GCNT2: variants seen among roughly 807,000 people sequenced by gnomAD.
GCNT2 encodes N-acetyllactosaminide beta-1,6-N-acetylglucosaminyl-transferase.
GCNT2 carries 34 observed loss-of-function variants against 34.2 expected under a neutral mutation model. That is an observed-to-expected ratio of 1.00 (90% CI 0.76 to 1.32). The LOEUF is 1.32. GCNT2 is among the 40% of genes most tolerant of loss of function. The pLI is 0.00. For synonymous variants in GCNT2, 212 were observed against 188.0 expected, an observed-to-expected ratio of 1.13 and a Z score of -1.04; for missense variants, 584 against 489.4, an observed-to-expected ratio of 1.19 and a Z score of -1.82.
At chr6:10,559,940 T>G (rs1175199441) in intron 3 of GCNT2, among the ~76,000 whole-genome samples, 1 of 152,252 alleles carries the variant, frequency 6.6e-6, no homozygotes, top group Non-Finnish European at 1.5e-5. Context: ...CTAGCCCTAG[T>G]AGTGCCTCTC....
chr6:10,590,848 G>A (rs9379528), intron 3 of GCNT2, among the ~76,000 whole-genome samples: 57,973 of 152,062 alleles, frequency 0.38, 12,954 homozygotes, highest in East Asian at 0.62. Context: ...CACCGCGCCC[G>A]GCCTAATTTT....
chr6:10,562,259 T>G (rs1763020168), intron 3 of GCNT2, among the ~76,000 whole-genome samples: 1 of 152,170 alleles, frequency 6.6e-6, no homozygotes, highest in Non-Finnish European at 1.5e-5. Context: ...TCTCTCTGCA[T>G]CTCTGTGCTG....
At chr6:10,531,855 G>A (rs1167451941) in intron 3 of GCNT2, among the ~76,000 whole-genome samples, 4 of 145,648 alleles carry the variant, frequency 2.7e-5, no homozygotes, top group Non-Finnish European at 6.0e-5. Context: ...AGCCAGGGAG[G>A]TAAAAAGGCC....
chr6:10,531,195 G>T (rs1194580632), intron 3 of GCNT2, among the ~76,000 whole-genome samples: 1 of 152,166 alleles, frequency 6.6e-6, no homozygotes, highest in Non-Finnish European at 1.5e-5. Flanking sequence ...TTTTTAGGTT[G>T]ACTTTCAATA....
intron 3 of GCNT2, among the ~76,000 whole-genome samples, chr6:10,587,987 A>C (rs952453255): frequency 6.6e-6 from 1 of 152,188 alleles, no homozygotes; most frequent in Non-Finnish European, 1.5e-5. Context: ...GTCTAGTGTC[A>C]TTATCATTGG....
rs1425642393 is a variant in GCNT2 at position 10,549,561 on chromosome 6, C to CTTTTTTTT, written c.925+19726_925+19727insTTTTTTTT. ...ACTTCCTTTCTCTCTCAATCTCTCT[C>CTTTTTTTT]TCTTTTTTTTTTTTTTTTTTTTTTT... On this transcript the variant is annotated intron_variant, in intron 3 of 4. Coordinates refer to ENST00000495262, the MANE Select transcript of GCNT2 (RefSeq NM_145649.5). 4.6e-4 allele frequency among the ~76,000 whole-genome samples: 51 copies of CTTTTTTTT among 111,302 alleles called. 2 individuals carry two copies. Among genetic ancestry groups the CTTTTTTTT allele is most frequent in the African/African-American group, 2.1e-3 (49 of 23,668 alleles). 73.0% of individuals were successfully genotyped at this position (111,302 alleles called of 152,430 possible).
chr6:10,589,713 T>C (rs1241043963), intron 3 of GCNT2, among the ~76,000 whole-genome samples: 1 of 152,198 alleles, frequency 6.6e-6, no homozygotes, highest in Non-Finnish European at 1.5e-5. Flanking sequence ...AATACTTCCT[T>C]GTACATCTTT....
chr6:10,546,616 GCCA>G (rs1250809539), intron 3 of GCNT2, among the ~76,000 whole-genome samples: 1 of 152,074 alleles, frequency 6.6e-6, no homozygotes, highest in Non-Finnish European at 1.5e-5. Flanking sequence ...CCAAGATCTC[GCCA>G]TTGTACTCTA....
intron 3 of GCNT2, among the ~76,000 whole-genome samples, chr6:10,535,911 A>G (rs571990724): frequency 3.7e-4 from 57 of 152,200 alleles, no homozygotes; most frequent in African/African-American, 1.3e-3. Flanking sequence ...GACTAGCCCT[A>G]TTGGATATTC....
intron 3 of GCNT2, chr6:10,581,650 T>A (rs1338417982): frequency 3.3e-6 from 2 of 597,414 alleles, no homozygotes; most frequent in African/African-American, 2.0e-5. Flanking sequence ...TTTGGCTACA[T>A]CATGTTGAAA....
intron 3 of GCNT2, among the ~76,000 whole-genome samples, chr6:10,547,602 C>T (rs115039558): frequency 0.017 from 2,627 of 152,334 alleles, 39 homozygotes; most frequent in Non-Finnish European, 0.028. Context: ...GTGCCTGCCA[C>T]ATTTCTCCAG....
rs1230626122 is a variant in GCNT2, at chr6:10,592,442, T to C, written c.926-28909T>C. On this transcript the variant is annotated intron_variant, in intron 3 of 4. Transcript: ENST00000495262. ...CACAGGGGAAGATTTTAATTTACAATGTATCCCAGCTCTTGTGAGCACCTA... is the reference window on the plus strand; with the variant it reads ...CACAGGGGAAGATTTTAATTTACAACGTATCCCAGCTCTTGTGAGCACCTA... Among the ~76,000 whole-genome samples, 2 of 152,214 alleles carry C rather than the reference T, an allele frequency of 1.3e-5. 1 individual carries two copies. Among genetic ancestry groups the C allele is most frequent in the Middle Eastern group, 6.3e-3 (2 of 316 alleles).
At chr6:10,604,048 A>ACCACGCCC (rs1463437680) in intron 3 of GCNT2, among the ~76,000 whole-genome samples, 1 of 151,810 alleles carries the variant, frequency 6.6e-6, no homozygotes, top group Non-Finnish European at 1.5e-5. Flanking sequence ...GGCGCACGCC[A>ACCACGCCC]CCACGCCCGG....
At chr6:10,601,649 G>A (rs1765088787) in intron 3 of GCNT2, among the ~76,000 whole-genome samples, 1 of 152,088 alleles carries the variant, frequency 6.6e-6, no homozygotes. Flanking sequence ...GTATTTAAAA[G>A]TAAAGCCCTT....
At chr6:10,561,115 G>GA (rs1266691549) in intron 3 of GCNT2, among the ~76,000 whole-genome samples, 1 of 152,156 alleles carries the variant, frequency 6.6e-6, no homozygotes, top group Non-Finnish European at 1.5e-5. Flanking sequence ...GTCACTTTAA[G>GA]AAAAACCCAT....
At chr6:10,585,374 A>C (rs1015260690) in intron 3 of GCNT2, among the ~76,000 whole-genome samples, 1 of 151,972 alleles carries the variant, frequency 6.6e-6, no homozygotes, top group East Asian at 1.9e-4. Context: ...CTGTGTCTGT[A>C]TGTGCCCAGA....
chr6:10,565,927 CCTT>C (rs1441940485), intron 3 of GCNT2, among the ~76,000 whole-genome samples: 4 of 152,296 alleles, frequency 2.6e-5, no homozygotes, highest in South Asian at 4.1e-4. Context: ...TCCCTCTCCT[CCTT>C]AGAAGCTGTG....
chr6:10,554,243 A>G (rs1157524965), intron 3 of GCNT2, among the ~76,000 whole-genome samples: 1 of 152,216 alleles, frequency 6.6e-6, no homozygotes, highest in Non-Finnish European at 1.5e-5. Flanking sequence ...TTCTCCTGTC[A>G]AGATTTTTTA....
At position 10,629,099 on chromosome 6, in the gene GCNT2, T is replaced by C. The variant is rs961114904; in HGVS notation, c.*2492T>C. 1 of 152,692 alleles carries C rather than the reference T, an allele frequency of 6.5e-6. No individual in the cohort carries two copies. The allele number at this position is 152,692 out of a possible 1,614,324, so 9.5% of individuals were successfully genotyped here. ...TTAAAAATTGTCTCTTTTCAACTTA[T>C]TTAAATGACAGCACCTGAGAAGAGG... On this transcript the variant is annotated 3_prime_UTR_variant, in exon 5 of 5. Coordinates refer to ENST00000495262, the MANE Select transcript of GCNT2 (RefSeq NM_145649.5).
Sources: gnomAD v4.1 joint callset for allele counts (sites outside exome capture counted in the v4.1 genomes callset) on GRCh38, gnomAD v4.1.1 for gene constraint, MANE v1.5 for transcripts, NCBI Gene and HGNC (gene_info 2026-07-23, HGNC 2026-07-21) for gene names.